TMEM132D: variants seen among roughly 807,000 people sequenced by gnomAD.
TMEM132D encodes transmembrane protein 132D, also known as mature OL transmembrane protein.
A neutral mutation model predicts 62.3 loss-of-function variants in TMEM132D; 21 were observed. The observed-to-expected ratio is 0.34, with a 90% confidence interval of 0.24 to 0.49. TMEM132D has a LOEUF of 0.49. TMEM132D is among the 20% of genes least tolerant of loss of function. TMEM132D has a pLI of 0.99. For missense variants in TMEM132D, 1,346 were observed against 1,402.8 expected, an observed-to-expected ratio of 0.96 and a Z score of 0.65; for synonymous variants, 621 against 575.6, an observed-to-expected ratio of 1.08 and a Z score of -1.13.
intron 1 of TMEM132D, among the ~76,000 whole-genome samples, chr12:129,750,530 T>G (rs1321666580): frequency 6.6e-6 from 1 of 152,240 alleles, no homozygotes; most frequent in Non-Finnish European, 1.5e-5. Flanking sequence ...GGACCAACAT[T>G]GCAGAATTAC....
chr12:129,080,951 C>A (rs1716839992), intron 7 of TMEM132D, among the ~76,000 whole-genome samples: 1 of 152,164 alleles, frequency 6.6e-6, no homozygotes, highest in South Asian at 2.1e-4. Context: ...TATGGAGGCA[C>A]AATCACTTCA....
chr12:129,238,194 G>A (rs535111814), intron 4 of TMEM132D, among the ~76,000 whole-genome samples: 3 of 152,204 alleles, frequency 2.0e-5, no homozygotes, highest in Non-Finnish European at 2.9e-5. Flanking sequence ...CAGGCAAGAC[G>A]GCCCCAGACT....
At chr12:129,117,594 C>CA (rs904744917) in intron 5 of TMEM132D, among the ~76,000 whole-genome samples, 44 of 152,090 alleles carry the variant, frequency 2.9e-4, no homozygotes, top group Non-Finnish European at 1.6e-4. Context: ...GGCCCAAGGT[C>CA]AAAGCTGGGA....
chr12:129,630,770 A>G (rs956332157), intron 2 of TMEM132D, among the ~76,000 whole-genome samples: 1 of 152,270 alleles, frequency 6.6e-6, no homozygotes, highest in African/African-American at 2.4e-5. Context: ...AACTTGTGTC[A>G]TGAGGATTTA....
chr12:129,119,991 G>A (rs1238946973), intron 5 of TMEM132D, among the ~76,000 whole-genome samples: 1 of 152,032 alleles, frequency 6.6e-6, no homozygotes, highest in Non-Finnish European at 1.5e-5. Flanking sequence ...TAGGCTAAGG[G>A]TATGTAGGAA....
chr12:129,594,766 A>G (rs951260140), intron 2 of TMEM132D, among the ~76,000 whole-genome samples: 3 of 152,082 alleles, frequency 2.0e-5, no homozygotes, highest in Admixed American at 6.6e-5. Flanking sequence ...TTGCCTCCCT[A>G]TCATCCACGG....
chr12:129,397,218 T>C (rs1009255197), intron 3 of TMEM132D, among the ~76,000 whole-genome samples: 38 of 152,168 alleles, frequency 2.5e-4, no homozygotes, highest in Non-Finnish European at 8.8e-5. Context: ...TTAATAGATG[T>C]TTATTAATCT....
At chr12:129,803,686 A>G (rs1167898684) in intron 1 of TMEM132D, among the ~76,000 whole-genome samples, 1 of 151,632 alleles carries the variant, frequency 6.6e-6, no homozygotes. Flanking sequence ...AAATAACTAA[A>G]ATCAGAGCAG....
chr12:129,720,149 G>A (rs1034253545), intron 1 of TMEM132D, among the ~76,000 whole-genome samples: 7 of 151,964 alleles, frequency 4.6e-5, no homozygotes, highest in Non-Finnish European at 7.4e-5. Context: ...ACGCAGGAAT[G>A]GTGTCTTTCC....
intron 1 of TMEM132D, among the ~76,000 whole-genome samples, chr12:129,899,230 AGGATGGATGGATGGATGGATGCACGGAT>A (rs879355065): frequency 0.011 from 1,475 of 138,102 alleles, 65 homozygotes; most frequent in Non-Finnish European, 0.014. Context: ...GACAGATGGA[AGGATGGATGGATGGATGGATGCACGGAT>A]GGATGGATGG....
chr12:129,744,096 T>A (rs1035934650), intron 1 of TMEM132D, among the ~76,000 whole-genome samples: 9 of 152,210 alleles, frequency 5.9e-5, no homozygotes, highest in Non-Finnish European at 1.3e-4. Flanking sequence ...ACTAACTGTG[T>A]GGATAAGTGA....
chr12:129,577,062 A>G (rs1476236413), intron 2 of TMEM132D, among the ~76,000 whole-genome samples: 1 of 151,898 alleles, frequency 6.6e-6, no homozygotes, highest in Non-Finnish European at 1.5e-5. Context: ...CACTTCCAGC[A>G]TCACTAGTGG....
At chr12:129,164,389 G>A (rs79895395) in intron 5 of TMEM132D, among the ~76,000 whole-genome samples, 3,479 of 152,270 alleles carry the variant, frequency 0.023, 105 homozygotes, top group African/African-American at 0.061. Flanking sequence ...ATTAAACAGC[G>A]AAAATAATCA....
At chr12:129,360,145 C>T (rs1467961216) in intron 3 of TMEM132D, among the ~76,000 whole-genome samples, 1 of 152,164 alleles carries the variant, frequency 6.6e-6, no homozygotes, top group African/African-American at 2.4e-5. Context: ...TCAACCCAGG[C>T]CCTGCCTATC....
chr12:129,209,790 C>T, intron 4 of TMEM132D, 127 bp from the exon 5 acceptor site: 1 of 1,363,886 alleles, frequency 7.3e-7, no homozygotes, highest in Admixed American at 2.0e-5. Context: ...GCTCAGAAAT[C>T]CTGGCAGTCC....
chr12:129,131,544 T>G (rs1268351347), intron 5 of TMEM132D, among the ~76,000 whole-genome samples: 1 of 151,872 alleles, frequency 6.6e-6, no homozygotes, highest in Non-Finnish European at 1.5e-5. Flanking sequence ...GAGGTGGAGG[T>G]TGCAGTGAGC....
Position 129,337,682 on chromosome 12 carries a change from C to T in TMEM132D, c.1251G>A (p.Lys417=), listed in dbSNP as rs768960220. The T allele has an allele frequency of 1.2e-6, 2 of 1,614,058 alleles. No homozygotes were observed. The highest frequency in any genetic ancestry group is 1.7e-5 in the Admixed American group (1 of 60,000). The change falls in exon 4 of 9, where the codon AAG becomes AAA. Residue 417 remains lysine (K), a synonymous_variant. Coordinates refer to ENST00000422113, the MANE Select transcript of TMEM132D (RefSeq NM_133448.3). ...GEITSDLGVS[K]IYVSPKDLIG... is the part of the protein sequence containing the mutation. ...TCAAGTCCTTTGGGCTCACATAGATCTTGGACACTCCCAAGTCAGACGTGA... is the reference window on the plus strand; with the variant it reads ...TCAAGTCCTTTGGGCTCACATAGATTTTGGACACTCCCAAGTCAGACGTGA...
intron 3 of TMEM132D, among the ~76,000 whole-genome samples, chr12:129,422,094 T>TGAAAA (rs1872340926): frequency 4.9e-5 from 2 of 40,438 alleles, no homozygotes; most frequent in African/African-American, 2.0e-4. Flanking sequence ...TACAGCAATG[T>TGAAAA]TAAAAAAAAA....
At chr12:129,593,908 C>T (rs1318459396) in intron 2 of TMEM132D, among the ~76,000 whole-genome samples, 1 of 152,096 alleles carries the variant, frequency 6.6e-6, no homozygotes, top group African/African-American at 2.4e-5. Context: ...TTACAATTCA[C>T]CCATGCCTTT....
Sources: allele counts gnomAD v4.1 joint callset (sites outside exome capture counted in the v4.1 genomes callset), GRCh38; gene constraint gnomAD v4.1.1; transcripts MANE v1.5; gene names NCBI Gene and HGNC (gene_info 2026-07-23, HGNC 2026-07-21).